Variants in HACL1 observed in about 807,000 individuals in gnomAD.
HACL1 encodes 1600020H07Rik.
Under a neutral mutation model 74.2 loss-of-function variants are expected in HACL1, and 64 were observed. That is an observed-to-expected ratio of 0.86 (90% CI 0.70 to 1.06). The LOEUF is 1.06. Ranked by LOEUF, HACL1 falls within the 50% of genes least tolerant of loss-of-function variation. The probability of loss-of-function intolerance (pLI) is 0.00; values close to 1 mark genes in which losing one functional copy is unlikely to be tolerated. For synonymous variants in HACL1, 230 were observed against 238.8 expected (o/e 0.96, Z 0.34); for missense variants, 728 against 719.7 (o/e 1.01, Z -0.13).
intron 5 of HACL1, 33 bp downstream of exon 5, chr3:15,589,507 A>C: frequency 7.2e-7 from 1 of 1,387,784 alleles, no homozygotes; most frequent in Non-Finnish European, 1.0e-6. Context: ...AAAAATTAAA[A>C]ATAAAAAAAA....
In HACL1 at chr3:15,576,580, C is replaced by T. The variant is rs183457565; in HGVS notation, c.804-1498G>A. Among the ~76,000 whole-genome samples, 322 of 152,242 alleles carry T rather than the reference C, an allele frequency of 2.1e-3. 1 individual carries two copies. The highest frequency in any genetic ancestry group is 7.4e-3 in the African/African-American group (306 of 41,544). Reference sequence around the variant, plus strand: ...TTTTAAAGCTGTATCATTACGTTTCCGATGTGGCTCTTATAACACATACAG... The same window carrying T: ...TTTTAAAGCTGTATCATTACGTTTCTGATGTGGCTCTTATAACACATACAG... On this transcript the variant is annotated intron_variant, in intron 9 of 16. Transcript: ENST00000321169.
chr3:15,601,367 G>C lies in HACL1; in HGVS notation c.81+16C>G, dbSNP rs762429491. On this transcript the variant is annotated intron_variant, in intron 1 of 16. Transcript: ENST00000321169. ...GCTTCCGTAGGAGCCTTTCATTCCAGGAAGGTCCATCGTACTTGCGTTTTC... is the reference window on the plus strand; with the variant it reads ...GCTTCCGTAGGAGCCTTTCATTCCACGAAGGTCCATCGTACTTGCGTTTTC... 1.9e-6 allele frequency: 3 copies of C among 1,613,898 alleles called. No individual in the cohort carries two copies. The African/African-American group carries it at 4.0e-5, about 22-fold the overall frequency.
At chr3:15,590,547 C>T (rs971164097) in intron 4 of HACL1, among the ~76,000 whole-genome samples, 1 of 152,070 alleles carries the variant, frequency 6.6e-6, no homozygotes, top group African/African-American at 2.4e-5. Flanking sequence ...TGGTAAAGTG[C>T]CAGAGACGGA....
intron 1 of HACL1, 76 bp from the exon 2 acceptor site, chr3:15,601,270 C>T (rs1317364226): frequency 1.9e-6 from 3 of 1,562,020 alleles, no homozygotes; most frequent in East Asian, 4.5e-5. Context: ...CTCCCGGGCG[C>T]TAAAAGGAAA....
chr3:15,585,282 A>C lies in HACL1; in HGVS notation c.520T>G (p.Phe174Val), dbSNP rs2063774406. 1 of 1,601,668 alleles carries C rather than the reference A, an allele frequency of 6.2e-7. No homozygotes were observed. Among genetic ancestry groups the C allele is most frequent in the Non-Finnish European group, 8.6e-7 (1 of 1,168,712 alleles). ...GACYVDIPAD[F>V]VNLQVNVNSI... Reference sequence around the variant, plus strand: ...TTCACATTCACCTGAAGGTTCACAAAATCTGCTGGTATGTCAACATAGCAA... The same window carrying C: ...TTCACATTCACCTGAAGGTTCACAACATCTGCTGGTATGTCAACATAGCAA... The change falls in exon 7 of 17, where the codon TTT becomes GTT. Residue 174 changes from phenylalanine (F) to valine (V), a missense_variant. Coordinates refer to ENST00000321169, the MANE Select transcript of HACL1 (RefSeq NM_012260.4).
intron 5 of HACL1, among the ~76,000 whole-genome samples, chr3:15,589,226 G>A (rs1478118832): frequency 6.6e-6 from 1 of 152,146 alleles, no homozygotes; most frequent in East Asian, 1.9e-4. Context: ...GCCAAGTGCG[G>A]TGGCTCATGC....
intron 4 of HACL1, among the ~76,000 whole-genome samples, chr3:15,590,716 C>T (rs1379882310): frequency 6.6e-6 from 1 of 152,194 alleles, no homozygotes; most frequent in African/African-American, 2.4e-5. Context: ...AATAATTCTT[C>T]ACTTAAAGTA....
At chr3:15,582,444 T>C (rs1246994960) in intron 8 of HACL1, among the ~76,000 whole-genome samples, 1 of 152,182 alleles carries the variant, frequency 6.6e-6, no homozygotes, top group Non-Finnish European at 1.5e-5. Flanking sequence ...AAAAATTATA[T>C]TTAGGAAATA....
At chr3:15,598,209 C>T (rs868566357) in intron 2 of HACL1, among the ~76,000 whole-genome samples, 2 of 151,934 alleles carry the variant, frequency 1.3e-5, no homozygotes, top group African/African-American at 4.8e-5. Context: ...TTTTTAGAAA[C>T]GGGGTTTCTC....
chr3:15,601,260 C>G, intron 1 of HACL1, 66 bp from the exon 2 acceptor site: 1 of 1,542,608 alleles, frequency 6.5e-7, no homozygotes. Context: ...CCTTCCCTCC[C>G]TCCCGGGCGC....
chr3:15,594,211 C>A (rs1008745884), intron 3 of HACL1, among the ~76,000 whole-genome samples: 2 of 152,062 alleles, frequency 1.3e-5, no homozygotes, highest in African/African-American at 4.8e-5. Flanking sequence ...AGTTCAAGAC[C>A]AGCCTGGGCA....
At chr3:15,565,412 G>T (rs1463288720) in intron 14 of HACL1, among the ~76,000 whole-genome samples, 1 of 152,178 alleles carries the variant, frequency 6.6e-6, no homozygotes, top group Admixed American at 6.5e-5. Context: ...AGATACACAA[G>T]TAACTAGCAC....
intron 3 of HACL1, among the ~76,000 whole-genome samples, chr3:15,592,529 CA>C: frequency 6.9e-6 from 1 of 144,172 alleles, no homozygotes; most frequent in Admixed American, 7.1e-5. Flanking sequence ...TACATATACA[CA>C]TGTATACACA....
intron 16 of HACL1, 91 bp downstream of exon 16, chr3:15,563,267 G>T: frequency 1.2e-6 from 1 of 807,258 alleles, no homozygotes; most frequent in Non-Finnish European, 2.1e-6. Context: ...CTCTGTGGAT[G>T]ATAGAGGGTG....
At chr3:15,571,590 T>C (rs961583207) in intron 12 of HACL1, 78 bp downstream of exon 12, 1 of 779,538 alleles carries the variant, frequency 1.3e-6, no homozygotes, top group East Asian at 2.5e-5. Context: ...TTTTTAGGAA[T>C]GCACATGTCA....
At chr3:15,592,449 TAC>T (rs1256394776) in intron 3 of HACL1, among the ~76,000 whole-genome samples, 4 of 124,522 alleles carry the variant, frequency 3.2e-5, no homozygotes, top group African/African-American at 1.2e-4. Context: ...CACGTATACA[TAC>T]ACACACGTAT....
chr3:15,572,754 A>G (rs2063558182), intron 11 of HACL1, among the ~76,000 whole-genome samples: 1 of 152,252 alleles, frequency 6.6e-6, no homozygotes, highest in African/African-American at 2.4e-5. Flanking sequence ...AAGAGTAAAA[A>G]GCTCTTTTTT....
chr3:15,575,386 C>A (rs2063606711), intron 9 of HACL1, among the ~76,000 whole-genome samples: 1 of 151,766 alleles, frequency 6.6e-6, no homozygotes, highest in Admixed American at 6.6e-5. Context: ...AGAAAAAAAA[C>A]AGAAAAAGTA....
chr3:15,590,301 T>C (rs562351239), intron 4 of HACL1, among the ~76,000 whole-genome samples: 4 of 151,926 alleles, frequency 2.6e-5, no homozygotes, highest in Non-Finnish European at 5.9e-5. Flanking sequence ...ATAAGTGACA[T>C]TCCTCAGCAA....
Sources: allele counts gnomAD v4.1 joint callset (sites outside exome capture counted in the v4.1 genomes callset), GRCh38; gene constraint gnomAD v4.1.1; transcripts MANE v1.5; gene names NCBI Gene and HGNC (gene_info 2026-07-23, HGNC 2026-07-21).